Variants in FBXL7 observed in about 807,000 individuals in gnomAD.
FBXL7 encodes F-box/LRR-repeat protein 7.
In FBXL7, 12 loss-of-function variants were observed where a neutral mutation model predicts 38.3. The observed-to-expected ratio is 0.31, with a 90% confidence interval of 0.20 to 0.51. The LOEUF (loss-of-function observed/expected upper bound fraction) is 0.51, where lower values mean the gene tolerates loss of function less well. FBXL7 is among the 20% of genes least tolerant of loss of function. The pLI is 0.98. For synonymous variants in FBXL7, 297 were observed against 300.9 expected (o/e 0.99, Z 0.13); for missense variants, 567 against 676.4 (o/e 0.84, Z 1.79).
intron 2 of FBXL7, among the ~76,000 whole-genome samples, chr5:15,640,116 C>T (rs1741310676): frequency 6.6e-6 from 1 of 152,144 alleles, no homozygotes; most frequent in African/African-American, 2.4e-5. Flanking sequence ...CCTAGCACTG[C>T]CATAACAAAG....
chr5:15,506,352 G>A (rs972475542), intron 1 of FBXL7, among the ~76,000 whole-genome samples: 4 of 151,944 alleles, frequency 2.6e-5, no homozygotes, highest in African/African-American at 4.8e-5. Context: ...GACCTCCCAA[G>A]ATGGTGTGAG....
At chr5:15,793,635 G>A (rs1001155357) in intron 2 of FBXL7, among the ~76,000 whole-genome samples, 2 of 152,044 alleles carry the variant, frequency 1.3e-5, no homozygotes, top group African/African-American at 4.8e-5. Flanking sequence ...AAAAGCCCTG[G>A]GTGCAAAGGT....
intron 2 of FBXL7, among the ~76,000 whole-genome samples, chr5:15,771,886 G>C (rs967037466): frequency 1.3e-5 from 2 of 149,592 alleles, no homozygotes; most frequent in Admixed American, 6.8e-5. Flanking sequence ...TCCTGCTTCA[G>C]CCTCTCAAGT....
intron 2 of FBXL7, among the ~76,000 whole-genome samples, chr5:15,890,580 C>T (rs1429880222): frequency 2.0e-5 from 3 of 152,130 alleles, no homozygotes; most frequent in East Asian, 1.9e-4. Flanking sequence ...CTATTGTGAA[C>T]TGCGCATGCA....
chr5:15,928,219 C>T lies in FBXL7; in HGVS notation c.457C>T (p.Leu153Phe). The T allele has an allele frequency of 6.2e-7, 1 of 1,610,516 alleles. No individual in the cohort carries two copies. Among genetic ancestry groups the T allele is most frequent in the Non-Finnish European group, 8.5e-7 (1 of 1,178,630 alleles). Residue 153 changes from leucine (L) to phenylalanine (F), a missense_variant, in exon 3 of 4, where the codon CTC becomes TTC. Coordinates refer to ENST00000504595, the MANE Select transcript of FBXL7 (RefSeq NM_012304.5). This position sits in a 1 kb window ranked among gnomAD's most constrained non-coding sequence, Gnocchi z 4.0. ...GTACAACCTGGCCTGGGACCCGCGG[C>T]TCTGGAGGACTATCCGCCTGACGGG... ...RWYNLAWDPRLWRTIRLTGET... is the reference protein window; with the variant it reads ...RWYNLAWDPRFWRTIRLTGET...
At chr5:15,930,422 TC>T (rs1339506697) in intron 3 of FBXL7, among the ~76,000 whole-genome samples, 6 of 152,236 alleles carry the variant, frequency 3.9e-5, no homozygotes, top group Non-Finnish European at 7.3e-5. Flanking sequence ...ATTTTTGGAA[TC>T]CCTATCTTTG....
chr5:15,502,061 A>T (rs185396540), intron 1 of FBXL7, among the ~76,000 whole-genome samples: 1 of 152,140 alleles, frequency 6.6e-6, no homozygotes, highest in African/African-American at 2.4e-5. Context: ...AGTTAATATT[A>T]TAAAAATGTG....
chr5:15,571,570 GAAAATATCACTGTTTAATGAATTT>G (rs1738783129), intron 1 of FBXL7, among the ~76,000 whole-genome samples: 1 of 152,094 alleles, frequency 6.6e-6, no homozygotes, highest in African/African-American at 2.4e-5. Flanking sequence ...ATTTTCCCAA[GAAAATATCACTGTTTAATGAATTT>G]AAATCACTGT....
intron 1 of FBXL7, among the ~76,000 whole-genome samples, chr5:15,570,036 T>G: frequency 6.6e-6 from 1 of 152,208 alleles, no homozygotes; most frequent in Non-Finnish European, 1.5e-5. Context: ...ATCAGGGATA[T>G]TGGTCTAAAA....
chr5:15,861,578 A>G (rs1739473390), intron 2 of FBXL7, among the ~76,000 whole-genome samples: 1 of 152,218 alleles, frequency 6.6e-6, no homozygotes, highest in South Asian at 2.1e-4. Flanking sequence ...AGCAGACCTT[A>G]TTACCCATAC....
At chr5:15,921,731 G>C (rs1379297545) in intron 2 of FBXL7, among the ~76,000 whole-genome samples, 1 of 152,100 alleles carries the variant, frequency 6.6e-6, no homozygotes, top group Non-Finnish European at 1.5e-5. Flanking sequence ...TGGCCAACAG[G>C]TACATGAAAA....
At chr5:15,619,868 G>T (rs531147100) in intron 2 of FBXL7, among the ~76,000 whole-genome samples, 1 of 152,286 alleles carries the variant, frequency 6.6e-6, no homozygotes, top group South Asian at 2.1e-4. Context: ...ATGTATGTGT[G>T]CATTTGTGTC....
intron 2 of FBXL7, among the ~76,000 whole-genome samples, chr5:15,859,092 A>C (rs1011967118): frequency 6.6e-6 from 1 of 152,204 alleles, no homozygotes; most frequent in African/African-American, 2.4e-5. Context: ...GAAGCCATCC[A>C]ATTGTCTGTG....
intron 1 of FBXL7, among the ~76,000 whole-genome samples, chr5:15,554,758 T>A (rs976888116): frequency 5.9e-5 from 9 of 152,202 alleles, no homozygotes; most frequent in African/African-American, 2.2e-4. Context: ...GATCAGATTC[T>A]AATTGTGATC....
intron 1 of FBXL7, among the ~76,000 whole-genome samples, chr5:15,564,142 G>T (rs1369408911): frequency 2.0e-5 from 3 of 152,016 alleles, no homozygotes; most frequent in Non-Finnish European, 4.4e-5. Context: ...AATTAGGATA[G>T]AATATTCTTC....
chr5:15,749,917 A>G (rs1301487010), intron 2 of FBXL7, among the ~76,000 whole-genome samples: 1 of 152,216 alleles, frequency 6.6e-6, no homozygotes, highest in Non-Finnish European at 1.5e-5. Flanking sequence ...TCTGAGCTGT[A>G]TACTTGCAGG....
intron 1 of FBXL7, among the ~76,000 whole-genome samples, chr5:15,605,350 G>A (rs1291023170): frequency 6.6e-6 from 1 of 152,126 alleles, no homozygotes; most frequent in Non-Finnish European, 1.5e-5. Context: ...ATCAGCAGAT[G>A]AATGAATAAA....
chr5:15,501,692 C>G lies in FBXL7; in HGVS notation c.37+979C>G, dbSNP rs1561007055. On this transcript the variant is annotated intron_variant, in intron 1 of 3. Transcript: ENST00000504595. Reference sequence around the variant, plus strand: ...TGGCCTGGAGGAAACTCTTATCATCCTGTTCGAAACTTTGAGCTGTGGCCA... The same window carrying G: ...TGGCCTGGAGGAAACTCTTATCATCGTGTTCGAAACTTTGAGCTGTGGCCA... The G allele has an allele frequency of 3.0e-6, 3 of 985,336 alleles. No individual in the cohort carries two copies. In the East Asian group the frequency reaches 3.4e-4, roughly 112 times the overall value. The allele number at this position is 985,336 out of a possible 1,614,324, so 61.0% of individuals were successfully genotyped here. A position where few individuals can be genotyped will look rare whatever the true frequency, so the allele number is the denominator to read the frequency against.
intron 2 of FBXL7, among the ~76,000 whole-genome samples, chr5:15,799,694 A>G (rs978261045): frequency 1.3e-5 from 2 of 152,154 alleles, no homozygotes; most frequent in Non-Finnish European, 2.9e-5. Context: ...AAAGGTCACA[A>G]TGCTGAGGGT....
Sources: allele counts gnomAD v4.1 joint callset (sites outside exome capture counted in the v4.1 genomes callset), GRCh38; gene constraint gnomAD v4.1.1; non-coding constraint Gnocchi (gnomAD v3.1); transcripts MANE v1.5; gene names NCBI Gene and HGNC (gene_info 2026-07-23, HGNC 2026-07-21).